The following SLC25A48 variants were observed in gnomAD, a reference collection of about 807,000 sequenced individuals.
SLC25A48 encodes solute carrier family 25 member 48, also known as CTC-321K16.1.
Under a neutral mutation model 32.2 loss-of-function variants are expected in SLC25A48, and 29 were observed. The ratio of observed to expected loss-of-function variants is 0.90; its 90% CI spans 0.67 to 1.23. The LOEUF (loss-of-function observed/expected upper bound fraction) is 1.23, where lower values mean the gene tolerates loss of function less well. SLC25A48 is among the 50% of genes most tolerant of loss of function. The pLI is 0.00. For synonymous variants in SLC25A48, 164 were observed against 172.3 expected (o/e 0.95, Z 0.38); for missense variants, 399 against 422.7 (o/e 0.94, Z 0.49).
At chr5:135,870,906 T>G (rs1761582965) in intron 4 of SLC25A48, among the ~76,000 whole-genome samples, 2 of 151,192 alleles carry the variant, frequency 1.3e-5, no homozygotes, top group Non-Finnish European at 2.9e-5. Flanking sequence ...TTTATAAAAT[T>G]ATAAATATTA....
chr5:135,812,741 G>A (rs1444077396), exon 4 of SLC25A48: 4 of 152,280 alleles, frequency 2.6e-5, no homozygotes, highest in Non-Finnish European at 4.4e-5. Flanking sequence ...ACCAAGATGT[G>A]TGCTCCCCAG....
intron 3 of SLC25A48, among the ~76,000 whole-genome samples, chr5:135,748,341 G>A (rs1259907569): frequency 6.6e-6 from 1 of 152,134 alleles, no homozygotes; most frequent in Non-Finnish European, 1.5e-5. Flanking sequence ...CTCTGTCACA[G>A]TTGCTCACTG....
intron 3 of SLC25A48, among the ~76,000 whole-genome samples, chr5:135,771,643 T>G (rs1363012616): frequency 6.6e-6 from 1 of 151,670 alleles, no homozygotes; most frequent in Non-Finnish European, 1.5e-5. Flanking sequence ...TTCCCTATGA[T>G]ATTGTTTGCA....
At chr5:135,775,192 T>C (rs911762550) in intron 3 of SLC25A48, among the ~76,000 whole-genome samples, 67 of 151,886 alleles carry the variant, frequency 4.4e-4, no homozygotes, top group African/African-American at 1.6e-3. Context: ...TCACAAGGAA[T>C]GTACAACCCT....
At chr5:135,814,438 G>A (rs1441697337) in intron 4 of SLC25A48, among the ~76,000 whole-genome samples, 1 of 152,176 alleles carries the variant, frequency 6.6e-6, no homozygotes, top group African/African-American at 2.4e-5. Flanking sequence ...CAGGACAGTA[G>A]GAATGTCAAA....
chr5:135,601,834 G>A (rs1176413651), intron 1 of SLC25A48, among the ~76,000 whole-genome samples: 1 of 152,240 alleles, frequency 6.6e-6, no homozygotes, highest in South Asian at 2.1e-4. Flanking sequence ...CCAAAGACTA[G>A]AGTTTGAATC....
intron 3 of SLC25A48, among the ~76,000 whole-genome samples, chr5:135,760,240 G>C (rs1454612422): frequency 2.6e-5 from 4 of 152,080 alleles, no homozygotes; most frequent in Admixed American, 1.3e-4. Context: ...TAGTTACATA[G>C]TGCATATACG....
chr5:135,678,326 G>A (rs1753817127), intron 3 of SLC25A48, among the ~76,000 whole-genome samples: 1 of 151,882 alleles, frequency 6.6e-6, no homozygotes, highest in African/African-American at 2.4e-5. Context: ...GCTTTCCAAT[G>A]TATTTTACAT....
At chr5:135,755,527 TG>T (rs974519621) in intron 3 of SLC25A48, among the ~76,000 whole-genome samples, 7 of 152,164 alleles carry the variant, frequency 4.6e-5, no homozygotes, top group African/African-American at 1.4e-4. Flanking sequence ...GAAATATCAC[TG>T]TGGTATTTAT....
At chr5:135,610,963 G>T (rs2126890643) in intron 1 of SLC25A48, among the ~76,000 whole-genome samples, 1 of 152,240 alleles carries the variant, frequency 6.6e-6, no homozygotes, top group South Asian at 2.1e-4. Context: ...ACATAGAAAA[G>T]ACTTACAAAG....
At chr5:135,659,940 C>T (rs758225268) in intron 3 of SLC25A48, among the ~76,000 whole-genome samples, 6 of 152,228 alleles carry the variant, frequency 3.9e-5, no homozygotes, top group Non-Finnish European at 7.3e-5. Flanking sequence ...CACCCACCTT[C>T]GGGAATTACA....
intron 3 of SLC25A48, among the ~76,000 whole-genome samples, chr5:135,662,034 C>A (rs967908946): frequency 2.0e-5 from 3 of 152,176 alleles, no homozygotes; most frequent in African/African-American, 7.2e-5. Context: ...TCATACCCCC[C>A]ACTATTAACC....
At chr5:135,718,075 T>G (rs1162944177) in intron 3 of SLC25A48, among the ~76,000 whole-genome samples, 1 of 152,130 alleles carries the variant, frequency 6.6e-6, no homozygotes, top group Non-Finnish European at 1.5e-5. Context: ...CGGCATGATC[T>G]CGGTTCACTG....
chr5:135,782,011 A>AGAG lies in SLC25A48; in HGVS notation c.-520-30509_-520-30507dup, dbSNP rs778529524. On this transcript the variant is annotated intron_variant, in intron 3 of 10. Coordinates refer to the SLC25A48 transcript ENST00000646290. Reference sequence around the variant, plus strand: ...TGATATTGTTTCTAATATCCAGAGAAGAGGATGCTTTTATTCCCAATATCA... The same window carrying AGAG: ...TGATATTGTTTCTAATATCCAGAGAAGAGGAGGATGCTTTTATTCCCAATATCA... 2.3e-3 allele frequency among the ~76,000 whole-genome samples: 259 copies of AGAG among 113,050 alleles called. 80 individuals are homozygous for AGAG. Among genetic ancestry groups the AGAG allele is most frequent in the Non-Finnish European group, 4.5e-3 (202 of 45,346 alleles). 74.2% of individuals were successfully genotyped at this position (113,050 alleles called of 152,430 possible). A position where few individuals can be genotyped will look rare whatever the true frequency, so the allele number is the denominator to read the frequency against.
At chr5:135,823,901 C>A (rs1278715338) in intron 4 of SLC25A48, among the ~76,000 whole-genome samples, 2 of 152,210 alleles carry the variant, frequency 1.3e-5, no homozygotes, top group Non-Finnish European at 1.5e-5. Flanking sequence ...AAGAGAAGGC[C>A]TGTGTGGCTG....
chr5:135,626,166 C>G (rs1298669112), intron 1 of SLC25A48, among the ~76,000 whole-genome samples: 1 of 152,220 alleles, frequency 6.6e-6, no homozygotes, highest in Non-Finnish European at 1.5e-5. Context: ...GTCCTGCCTG[C>G]CTTCACTCCC....
At chr5:135,664,553 T>C (rs1351187998) in intron 3 of SLC25A48, among the ~76,000 whole-genome samples, 2 of 152,238 alleles carry the variant, frequency 1.3e-5, no homozygotes, top group African/African-American at 4.8e-5. Context: ...GTTTACATTG[T>C]ACCCAATATA....
At chr5:135,785,953 G>A (rs1211241934) in intron 3 of SLC25A48, among the ~76,000 whole-genome samples, 1 of 151,752 alleles carries the variant, frequency 6.6e-6, no homozygotes, top group East Asian at 1.9e-4. Flanking sequence ...GGGGAAAGGG[G>A]GTGATATTAC....
Position 135,871,579 on chromosome 5 carries a change from G to T in SLC25A48, c.540G>T (p.Gly180=), listed in dbSNP as rs1761648379. The change falls in exon 5 of 8, where the codon GGG becomes GGT. Residue 180 remains glycine, a synonymous_variant. Coordinates refer to ENST00000681962, the MANE Select transcript of SLC25A48 (RefSeq NM_001349336.2). Reference sequence around the variant, plus strand: ...AGGGCCTGGCGGGGCTATACCGGGGGGCCAGTGCCATGCTGCTGAGGGATG... The same window carrying T: ...AGGGCCTGGCGGGGCTATACCGGGGTGCCAGTGCCATGCTGCTGAGGGATG... ...RNEGLAGLYR[G]ASAMLLRDVP... The T allele has an allele frequency of 4.3e-6, 7 of 1,614,178 alleles. No homozygotes were observed. The highest frequency in any genetic ancestry group is 5.9e-6 in the Non-Finnish European group (7 of 1,180,024).
Sources: gnomAD v4.1 joint callset for allele counts (sites outside exome capture counted in the v4.1 genomes callset) on GRCh38, gnomAD v4.1.1 for gene constraint, MANE v1.5 for transcripts, NCBI Gene and HGNC (gene_info 2026-07-23, HGNC 2026-07-21) for gene names.